The following DGKB variants were observed in gnomAD, a reference collection of about 807,000 sequenced individuals.
DGKB encodes diacylglycerol kinase beta.
Under a neutral mutation model 114.3 loss-of-function variants are expected in DGKB, and 67 were observed. That is an observed-to-expected ratio of 0.59 (90% CI 0.48 to 0.72). DGKB has a LOEUF of 0.72. Ranked by LOEUF, DGKB falls within the 30% of genes least tolerant of loss-of-function variation. The pLI is 0.00. For synonymous variants in DGKB, 398 were observed against 323.1 expected, an observed-to-expected ratio of 1.23 and a Z score of -2.49; for missense variants, 907 against 975.2, an observed-to-expected ratio of 0.93 and a Z score of 0.93.
At position 14,677,695 on chromosome 7, in the gene DGKB, A is replaced by G. The variant is rs145567883; in HGVS notation, c.1036-4668T>C. Among the ~76,000 whole-genome samples the G allele has an allele frequency of 2.8e-3, 429 of 152,174 alleles. 2 individuals carry two copies. Among genetic ancestry groups the G allele is most frequent in the African/African-American group, 9.7e-3 (402 of 41,560 alleles). On this transcript the variant is annotated intron_variant, in intron 12 of 25. Coordinates refer to ENST00000402815, the MANE Select transcript of DGKB (RefSeq NM_001350709.2). The stretch of plus-strand genomic sequence containing the variant: ...ACGAAGGTCAAGAAAACACAGTTTC[A>G]GAAGAAATGAACAGGTATAAGCAGT...
intron 23 of DGKB, among the ~76,000 whole-genome samples, chr7:14,247,099 T>C (rs1226578634): frequency 6.6e-6 from 1 of 152,192 alleles, no homozygotes; most frequent in Admixed American, 6.5e-5. Flanking sequence ...TTTGTCTTTC[T>C]GTGTCTAGCT....
At chr7:14,503,344 C>A (rs1316855524) in intron 20 of DGKB, among the ~76,000 whole-genome samples, 1 of 152,126 alleles carries the variant, frequency 6.6e-6, no homozygotes, top group Non-Finnish European at 1.5e-5. Flanking sequence ...TCAATCCCTG[C>A]CTATCACATT....
At chr7:14,289,869 C>T (rs898115916) in intron 23 of DGKB, among the ~76,000 whole-genome samples, 3 of 151,752 alleles carry the variant, frequency 2.0e-5, no homozygotes, top group African/African-American at 7.3e-5. Flanking sequence ...CGGAACTTTG[C>T]AAATCAAATA....
intron 21 of DGKB, among the ~76,000 whole-genome samples, chr7:14,404,187 G>C (rs1823578009): frequency 6.6e-6 from 1 of 150,408 alleles, no homozygotes; most frequent in Admixed American, 6.7e-5. Context: ...TAGATGAAAA[G>C]TAACAGAATG....
intron 1 of DGKB, among the ~76,000 whole-genome samples, chr7:14,960,938 A>C (rs1786807534): frequency 6.6e-6 from 1 of 152,142 alleles, no homozygotes; most frequent in South Asian, 2.1e-4. Flanking sequence ...CGGAGGGCTT[A>C]GGACAAACAT....
intron 12 of DGKB, among the ~76,000 whole-genome samples, chr7:14,678,451 G>A (rs1820262096): frequency 6.6e-6 from 1 of 152,024 alleles, no homozygotes; most frequent in African/African-American, 2.4e-5. Flanking sequence ...CAAGGGACCG[G>A]GATGAACAAA....
At chr7:14,213,361 T>C (rs1788449013) in intron 23 of DGKB, among the ~76,000 whole-genome samples, 2 of 152,148 alleles carry the variant, frequency 1.3e-5, no homozygotes, top group South Asian at 4.1e-4. Context: ...GAAATAGAGA[T>C]TGAAAAGATA....
chr7:14,510,628 C>T (rs1193987504), intron 20 of DGKB, among the ~76,000 whole-genome samples: 1 of 152,100 alleles, frequency 6.6e-6, no homozygotes, highest in Non-Finnish European at 1.5e-5. Flanking sequence ...TTTTGACCTC[C>T]TCCCAAGAAT....
At chr7:14,694,643 G>A (rs1427300210) in intron 8 of DGKB, among the ~76,000 whole-genome samples, 3 of 152,154 alleles carry the variant, frequency 2.0e-5, no homozygotes, top group East Asian at 1.9e-4. Context: ...ATTTAATAGA[G>A]TCGAGAAGTT....
intron 9 of DGKB, among the ~76,000 whole-genome samples, chr7:14,692,409 T>G (rs1323825411): frequency 2.0e-5 from 3 of 152,036 alleles, no homozygotes; most frequent in Non-Finnish European, 4.4e-5. Flanking sequence ...TGGAATTTCC[T>G]GACTAAAGTT....
At chr7:14,683,840 C>T (rs1821235697) in intron 10 of DGKB, among the ~76,000 whole-genome samples, 1 of 151,842 alleles carries the variant, frequency 6.6e-6, no homozygotes, top group Non-Finnish European at 1.5e-5. Flanking sequence ...TTCTCTTCTC[C>T]TCCGTATTAA....
rs754726838 is a variant in DGKB at position 14,718,652 on chromosome 7, G to A, written c.356C>T (p.Pro119Leu). Residue 119 changes from proline (P) to leucine (L), a missense_variant, in exon 6 of 26, where the codon CCC becomes CTC. By Grantham distance (98) the Pro-to-Leu change is moderately conservative. This residue lies in a region of DGKB where 814 missense variants were observed against 856.6 expected (regional missense o/e 0.95). Transcript: ENST00000402815. ...CGTATTTGCAGGAGAAGTAGTCCGGGGAGGGGTGATGGCACCTTTATTCAT... is the reference window on the plus strand; with the variant it reads ...CGTATTTGCAGGAGAAGTAGTCCGGAGAGGGGTGATGGCACCTTTATTCAT... ...LRMNKGAITPPRTTSPANTCS... is the reference protein window; with the variant it reads ...LRMNKGAITPLRTTSPANTCS... The A allele has an allele frequency of 1.9e-6, 3 of 1,611,790 alleles. No homozygotes were observed. Among genetic ancestry groups the A allele is most frequent in the Middle Eastern group, 3.3e-4 (2 of 6,052 alleles).
intron 23 of DGKB, chr7:14,209,454 T>C: frequency 2.1e-6 from 1 of 474,442 alleles, no homozygotes; most frequent in South Asian, 1.5e-5. Flanking sequence ...TACACAAGGC[T>C]ATTCTCTGGA....
intron 17 of DGKB, among the ~76,000 whole-genome samples, chr7:14,586,103 A>C (rs1464446308): frequency 6.6e-6 from 1 of 152,272 alleles, no homozygotes; most frequent in South Asian, 2.1e-4. Context: ...AAGCTGAGTG[A>C]GTAAAGCATG....
chr7:14,304,087 A>ACACACACACACACACACACACT (rs140836395), intron 23 of DGKB, among the ~76,000 whole-genome samples: 4 of 110,072 alleles, frequency 3.6e-5, no homozygotes, highest in African/African-American at 1.5e-4. Context: ...ACACACACAC[A>ACACACACACACACACACACACT]CTCTCTCTCT....
At chr7:14,229,462 G>A (rs776835530) in intron 23 of DGKB, among the ~76,000 whole-genome samples, 1 of 151,828 alleles carries the variant, frequency 6.6e-6, no homozygotes, top group Non-Finnish European at 1.5e-5. Context: ...GTAAGAATAC[G>A]GTATTATAAT....
chr7:14,204,785 G>A (rs1312548364), intron 23 of DGKB, among the ~76,000 whole-genome samples: 1 of 151,964 alleles, frequency 6.6e-6, no homozygotes. Flanking sequence ...CACGAGTATG[G>A]GAAGAGAACG....
intron 21 of DGKB, among the ~76,000 whole-genome samples, chr7:14,436,475 C>T (rs140551416): frequency 6.4e-4 from 90 of 141,574 alleles, no homozygotes; most frequent in African/African-American, 2.2e-3. Flanking sequence ...CCTCTCTCTT[C>T]GTAAGCATTT....
chr7:14,297,077 C>A (rs1186050277), intron 23 of DGKB, among the ~76,000 whole-genome samples: 1 of 151,796 alleles, frequency 6.6e-6, no homozygotes, highest in Non-Finnish European at 1.5e-5. Flanking sequence ...ACCTACAAAC[C>A]AAAAAAAGCC....
Sources: allele counts gnomAD v4.1 joint callset (sites outside exome capture counted in the v4.1 genomes callset), GRCh38; gene constraint gnomAD v4.1.1; regional missense constraint gnomAD v4.1.1; transcripts MANE v1.5; gene names NCBI Gene and HGNC (gene_info 2026-07-23, HGNC 2026-07-21).